The following PRPH2 variants were observed in gnomAD, a reference collection of about 807,000 sequenced individuals.
PRPH2 encodes peripherin 2, also known as peripherin-2.
Under a neutral mutation model 31.3 loss-of-function variants are expected in PRPH2, and 17 were observed. The ratio of observed to expected loss-of-function variants is 0.54; its 90% CI spans 0.37 to 0.81. The LOEUF is 0.81. Ranked by LOEUF, PRPH2 falls within the 40% of genes least tolerant of loss-of-function variation. The pLI, the probability that PRPH2 is intolerant of heterozygous loss-of-function variation, is 0.00. For synonymous variants in PRPH2, 165 were observed against 184.4 expected (o/e 0.89, Z 0.85); for missense variants, 430 against 439.7 (o/e 0.98, Z 0.20).
rs61755770 is a variant in PRPH2, at chr6:42,722,202, G to A, written c.133C>T (p.Leu45Phe). 8.0e-4 allele frequency: 1,284 copies of A among 1,614,176 alleles called. 5 individuals carry two copies. In the African/African-American group the frequency reaches 0.014, roughly 18 times the overall value. ...TTCATCACATCGCTCCTCTTTCGGA[G>A]TTCAATCTTCAGGAACAGTCCTAGG... ...FSLGLFLKIE[L>F]RKRSDVMNNS... Residue 45 changes from leucine (L) to phenylalanine (F), a missense_variant, in exon 1 of 3, where the codon CTC (leucine) becomes TTC (phenylalanine). By Grantham distance (22) the Leu-to-Phe change is conservative (BLOSUM62 0). Transcript: ENST00000230381. The surrounding 1 kb of genome is among the most constrained non-coding windows in gnomAD (Gnocchi z 4.4).
At chr6:42,710,807 G>C (rs1439971527) in intron 1 of PRPH2, among the ~76,000 whole-genome samples, 6 of 152,196 alleles carry the variant, frequency 3.9e-5, no homozygotes, top group African/African-American at 1.2e-4. Flanking sequence ...AATTAGTAAA[G>C]CCAGCCATAG....
chr6:42,722,451 G>A lies in PRPH2; in HGVS notation c.-117C>T. On this transcript the variant is annotated 5_prime_UTR_variant, in exon 1 of 3. Coordinates refer to ENST00000230381, the MANE Select transcript of PRPH2 (RefSeq NM_000322.5). This position sits in a 1 kb window ranked among gnomAD's most constrained non-coding sequence, Gnocchi z 4.4. ...AAAGTGCAGATGGCCCAAGCTGTAG[G>A]GAGCTGCCCTGGGGGCTACCCATGT... The A allele has an allele frequency of 6.5e-7, 1 of 1,541,536 alleles. No homozygotes were observed. Among genetic ancestry groups the A allele is most frequent in the Non-Finnish European group, 8.7e-7 (1 of 1,150,424 alleles).
At chr6:42,702,078 T>C (rs1800055497) in intron 2 of PRPH2, among the ~76,000 whole-genome samples, 1 of 151,906 alleles carries the variant, frequency 6.6e-6, no homozygotes, top group South Asian at 2.1e-4. Flanking sequence ...TCGTCTCTAC[T>C]AAAAATACAA....
intron 1 of PRPH2, among the ~76,000 whole-genome samples, chr6:42,714,904 A>T (rs1761744784): frequency 6.6e-6 from 1 of 152,204 alleles, no homozygotes; most frequent in South Asian, 2.1e-4. Context: ...CAGATTTCTC[A>T]TATATAAAAT....
Position 42,696,868 on chromosome 6 carries a change from T to C in PRPH2, c.*1427A>G, listed in dbSNP as rs1479336162. On this transcript the variant is annotated 3_prime_UTR_variant, in exon 3 of 3. Coordinates refer to ENST00000230381, the MANE Select transcript of PRPH2 (RefSeq NM_000322.5). Reference sequence around the variant, plus strand: ...GGATCTGGTCTTCTGCTTGGGGGAATTAAGCCCAGAACATACCCCAGCAGC... The same window carrying C: ...GGATCTGGTCTTCTGCTTGGGGGAACTAAGCCCAGAACATACCCCAGCAGC... 2 of 151,778 alleles carry C rather than the reference T, an allele frequency of 1.3e-5. No homozygotes were observed. The highest frequency in any genetic ancestry group is 3.9e-4 in the East Asian group (2 of 5,180). 9.4% of individuals were successfully genotyped at this position (151,778 alleles called of 1,614,324 possible). A position where few individuals can be genotyped will look rare whatever the true frequency, so the allele number is the denominator to read the frequency against.
In PRPH2 at chr6:42,722,058, T is replaced by C. The variant is rs1761914004; in HGVS notation, c.277A>G (p.Arg93Gly). ...TACGGCTTCAGCCAGGGCTTCCATC[T>C]GGCATACTTGGCTGGGTCCAGGGCG... ...YDALDPAKYARWKPWLKPYLA... is the reference protein window; with the variant it reads ...YDALDPAKYAGWKPWLKPYLA... The change falls in exon 1 of 3, where the codon AGA becomes GGA. Residue 93 changes from arginine (R) to glycine (G), a missense_variant. Transcript: ENST00000230381. This position sits in a 1 kb window ranked among gnomAD's most constrained non-coding sequence, Gnocchi z 4.4. The C allele has an allele frequency of 1.2e-6, 2 of 1,614,078 alleles. No individual in the cohort carries two copies. The highest frequency in any genetic ancestry group is 1.7e-6 in the Non-Finnish European group (2 of 1,180,042).
At chr6:42,703,295 C>T (rs1298850659) in intron 2 of PRPH2, among the ~76,000 whole-genome samples, 1 of 152,194 alleles carries the variant, frequency 6.6e-6, no homozygotes, top group Non-Finnish European at 1.5e-5. Flanking sequence ...CGAGGATTTG[C>T]TTACATTGCA....
At chr6:42,704,820 G>A (rs1455808177) in intron 1 of PRPH2, among the ~76,000 whole-genome samples, 1 of 152,242 alleles carries the variant, frequency 6.6e-6, no homozygotes, top group Non-Finnish European at 1.5e-5. Context: ...CGACCTTGAG[G>A]TAGACGGTAA....
intron 1 of PRPH2, 27 bp from the exon 2 acceptor site, chr6:42,704,638 TGGGCTTCCC>T (rs771318455): frequency 2.0e-5 from 33 of 1,614,160 alleles, no homozygotes; most frequent in Non-Finnish European, 2.5e-5. Flanking sequence ...CAGCTGGAGA[TGGGCTTCCC>T]GGGCTTCTCA....
chr6:42,698,501 T>C lies in PRPH2; in HGVS notation c.835A>G (p.Ile279Val), dbSNP rs773951621. ...TGTAGGTAGCGCAGCCCAATTGTAA[T>C]GGTCACCTGGTGGTGGGAGAGGAGA... ...TLLIWLFEVT[I>V]TIGLRYLQTS... The change falls in exon 3 of 3, where the codon ATT (isoleucine) becomes GTT (valine). Residue 279 changes from isoleucine (I) to valine (V), a missense_variant. Ile to Val is a conservative substitution (Grantham distance 29). Coordinates refer to ENST00000230381, the MANE Select transcript of PRPH2 (RefSeq NM_000322.5). 1.2e-6 allele frequency: 2 copies of C among 1,614,102 alleles called. No individual in the cohort carries two copies. Among genetic ancestry groups the C allele is most frequent in the African/African-American group, 1.3e-5 (1 of 75,020 alleles).
rs70990127 is a variant in PRPH2 at position 42,701,682 on chromosome 6, A to ATTTTTTTTT, written c.828+2674_828+2682dup. Among the ~76,000 whole-genome samples the ATTTTTTTTT allele has an allele frequency of 1.6e-3, 128 of 78,522 alleles. 30 individuals are homozygous for ATTTTTTTTT. The highest frequency in any genetic ancestry group is 3.7e-3 in the African/African-American group (75 of 20,052). 51.5% of individuals were successfully genotyped at this position (78,522 alleles called of 152,430 possible). A position where few individuals can be genotyped will look rare whatever the true frequency, so the allele number is the denominator to read the frequency against. ...TAGGCATGCGCCACCACGTCCAGCA[A>ATTTTTTTTT]TTTTTTTTTTTTTTTTTTTTTTTTT... is the stretch of plus-strand genomic sequence containing the variant. On this transcript the variant is annotated intron_variant, in intron 2 of 2. Transcript: ENST00000230381.
Position 42,704,489 on chromosome 6 carries a change from C to T in PRPH2, c.704G>A (p.Ser235Asn), listed in dbSNP as rs898000114. 6.2e-7 allele frequency: 1 copy of T among 1,614,034 alleles called. No homozygotes were observed. Among genetic ancestry groups the T allele is most frequent in the Non-Finnish European group, 8.5e-7 (1 of 1,180,018 alleles). ...GAGCTCCTCCGTCTGGTGGTCGTAA[C>T]TGTAGTGTGCTGAGTTGTTGGTGAT... is the stretch of plus-strand genomic sequence containing the variant. ...YQITNNSAHY[S>N]YDHQTEELNL... is the part of the protein sequence containing the mutation. Residue 235 changes from serine (S) to asparagine (N), a missense_variant, in exon 2 of 3, where the codon AGT (serine) becomes AAT (asparagine). By Grantham distance (46) the Ser-to-Asn change is conservative. Transcript: ENST00000230381.
chr6:42,717,155 G>A (rs1761803789), intron 1 of PRPH2, among the ~76,000 whole-genome samples: 2 of 149,540 alleles, frequency 1.3e-5, no homozygotes, highest in South Asian at 2.2e-4. Context: ...GCTCATGCCT[G>A]TAATCCCAGC....
chr6:42,700,441 C>A (rs913479750), intron 2 of PRPH2, among the ~76,000 whole-genome samples: 1 of 152,146 alleles, frequency 6.6e-6, no homozygotes, highest in Non-Finnish European at 1.5e-5. Flanking sequence ...ATCCCAGCAC[C>A]TAGAACAGTA....
intron 1 of PRPH2, among the ~76,000 whole-genome samples, chr6:42,708,206 G>A (rs148038821): frequency 9.1e-4 from 138 of 152,268 alleles, no homozygotes; most frequent in African/African-American, 3.2e-3. Flanking sequence ...GGAGTTGGCC[G>A]TGCAGGTTCT....
intron 1 of PRPH2, among the ~76,000 whole-genome samples, chr6:42,709,656 A>C (rs1229520038): frequency 6.6e-6 from 1 of 152,130 alleles, no homozygotes; most frequent in Non-Finnish European, 1.5e-5. Context: ...TCATGCCTGG[A>C]GGGTAGGAGG....
At chr6:42,716,156 A>T (rs1761774044) in intron 1 of PRPH2, among the ~76,000 whole-genome samples, 1 of 152,096 alleles carries the variant, frequency 6.6e-6, no homozygotes, top group South Asian at 2.1e-4. Flanking sequence ...AGACCAGCTC[A>T]TTCTCCTGGG....
At chr6:42,704,285 A>G in intron 2 of PRPH2, 80 bp downstream of exon 2, 1 of 1,544,062 alleles carries the variant, frequency 6.5e-7, no homozygotes, top group East Asian at 2.4e-5. Context: ...ATGCTCTCCA[A>G]GCCTGGCTCC....
chr6:42,709,774 C>T (rs561809595), intron 1 of PRPH2, among the ~76,000 whole-genome samples: 1 of 152,270 alleles, frequency 6.6e-6, no homozygotes, highest in Non-Finnish European at 1.5e-5. Flanking sequence ...GTGGCCAAGG[C>T]CCTTTCCAGC....
Sources: allele counts gnomAD v4.1 joint callset (sites outside exome capture counted in the v4.1 genomes callset), GRCh38; gene constraint gnomAD v4.1.1; non-coding constraint Gnocchi (gnomAD v3.1); transcripts MANE v1.5; gene names NCBI Gene and HGNC (gene_info 2026-07-23, HGNC 2026-07-21).